The following TXNDC15 variants were observed in gnomAD, a reference collection of about 807,000 sequenced individuals.
TXNDC15 encodes the protein thioredoxin domain-containing protein 15.
In TXNDC15, 24 loss-of-function variants were observed where a neutral mutation model predicts 35.0. The observed-to-expected ratio is 0.68, with a 90% CI of 0.50 to 0.96. The LOEUF is 0.96. Among genes scored for constraint, TXNDC15 ranks in the 40% least tolerant of loss-of-function variants. TXNDC15 has a pLI of 0.00. For missense variants in TXNDC15, 385 were observed against 453.3 expected (o/e 0.85, Z 1.37); for synonymous variants, 169 against 174.0 (o/e 0.97, Z 0.23).
intron 1 of TXNDC15, among the ~76,000 whole-genome samples, chr5:134,878,734 C>T (rs1273024321): frequency 6.6e-6 from 1 of 152,240 alleles, no homozygotes; most frequent in Non-Finnish European, 1.5e-5. Flanking sequence ...TGCAGTGGCT[C>T]ACGCCTGTAA....
chr5:134,890,319 C>T (rs1750362816), intron 2 of TXNDC15, among the ~76,000 whole-genome samples: 1 of 152,030 alleles, frequency 6.6e-6, no homozygotes, highest in African/African-American at 2.4e-5. Context: ...CGTGAACCAC[C>T]ATGCCTGGCC....
In TXNDC15 at chr5:134,887,827, A is replaced by G. The variant is rs1169075079; in HGVS notation, c.236A>G (p.Asn79Ser). Residue 79 changes from asparagine to serine, a missense_variant, in exon 2 of 5, where the codon AAT becomes AGT. Coordinates refer to ENST00000358387, the MANE Select transcript of TXNDC15 (RefSeq NM_024715.4). The stretch of plus-strand genomic sequence containing the variant: ...CAGGACAGGGCAGCAGAAGAGGCCA[A>G]TGCGGTGCTGGGGCTGGACACCCAA... ...MGQDRAAEEA[N>S]AVLGLDTQGD... 5.6e-6 allele frequency: 9 copies of G among 1,614,094 alleles called. No individual in the cohort carries two copies. Among genetic ancestry groups the G allele is most frequent in the African/African-American group, 4.0e-5 (3 of 74,936 alleles).
At chr5:134,898,423 C>T (rs912841166) in intron 4 of TXNDC15, among the ~76,000 whole-genome samples, 1 of 152,170 alleles carries the variant, frequency 6.6e-6, no homozygotes, top group East Asian at 1.9e-4. Flanking sequence ...CCTCTAAAGC[C>T]TCACTGTCTC....
intron 1 of TXNDC15, among the ~76,000 whole-genome samples, chr5:134,884,923 CTTT>C (rs374868238): frequency 7.8e-6 from 1 of 128,984 alleles, no homozygotes; most frequent in Non-Finnish European, 1.7e-5. Context: ...TATACATATT[CTTT>C]TTTTTTTTTT....
chr5:134,882,210 A>C (rs1340009017), intron 1 of TXNDC15, among the ~76,000 whole-genome samples: 1 of 133,988 alleles, frequency 7.5e-6, no homozygotes, highest in African/African-American at 2.9e-5. Flanking sequence ...GGACGGGGCG[A>C]CAGGGCAGAG....
intron 2 of TXNDC15, chr5:134,892,731 A>G (rs781237067): frequency 1.3e-5 from 2 of 152,198 alleles, no homozygotes; most frequent in Non-Finnish European, 2.9e-5. Flanking sequence ...AGAGATGTAC[A>G]ACTCTTCCTT....
chr5:134,888,326 A>C, intron 2 of TXNDC15, 144 bp downstream of exon 2: 2 of 869,210 alleles, frequency 2.3e-6, no homozygotes, highest in Non-Finnish European at 3.5e-6. Context: ...GTGAAAATCA[A>C]CTTTGCCCTC....
rs1750599621 is a variant in TXNDC15, at chr5:134,901,478, A to ATGTG, written c.*1797_*1800dup. ...ATGAAGCTGGGATTTGAATCTTCAC[A>ATGTG]TGTGTGTACTTATAAATACAAATGT... On this transcript the variant is annotated 3_prime_UTR_variant, in exon 5 of 5. Transcript: ENST00000358387. 1 of 151,138 alleles carries ATGTG rather than the reference A, an allele frequency of 6.6e-6. No homozygotes were observed. The highest frequency in any genetic ancestry group is 6.6e-5 in the Admixed American group (1 of 15,254). 9.4% of individuals were successfully genotyped at this position (151,138 alleles called of 1,614,324 possible). A position where few individuals can be genotyped will look rare whatever the true frequency, so the allele number is the denominator to read the frequency against.
chr5:134,898,042 C>A (rs1025977107), intron 4 of TXNDC15, among the ~76,000 whole-genome samples: 1 of 151,644 alleles, frequency 6.6e-6, no homozygotes, highest in Non-Finnish European at 1.5e-5. Context: ...AGAAACAGAA[C>A]ATTACCAGCC....
At chr5:134,890,949 T>C (rs1750378500) in intron 2 of TXNDC15, among the ~76,000 whole-genome samples, 1 of 152,260 alleles carries the variant, frequency 6.6e-6, no homozygotes, top group Non-Finnish European at 1.5e-5. Context: ...CTTTCTTTGC[T>C]TATCCATAAA....
rs115400378 is a variant in TXNDC15, at chr5:134,896,462, A to G, written c.886+38A>G. 1.1e-3 allele frequency: 1,710 copies of G among 1,610,070 alleles called. 19 individuals carry two copies. In the African/African-American group the frequency reaches 0.02, roughly 19 times the overall value. On this transcript the variant is annotated intron_variant, in intron 4 of 4. Coordinates refer to ENST00000358387, the MANE Select transcript of TXNDC15 (RefSeq NM_024715.4). ...AATGTGCTGAGGAAGAAGATATTCTATTGCTGGGGGTCTGTGCCTTCTGTG... is the reference window on the plus strand; with the variant it reads ...AATGTGCTGAGGAAGAAGATATTCTGTTGCTGGGGGTCTGTGCCTTCTGTG...
At chr5:134,883,834 G>C (rs1750215559) in intron 1 of TXNDC15, among the ~76,000 whole-genome samples, 4 of 150,740 alleles carry the variant, frequency 2.7e-5, no homozygotes, top group Non-Finnish European at 5.9e-5. Flanking sequence ...AGAATTGCTT[G>C]AACCTGGGAG....
chr5:134,874,199 G>C (rs769721528), upstream of TXNDC15: 1 of 514,742 alleles, frequency 1.9e-6, no homozygotes, highest in Non-Finnish European at 3.4e-6. Flanking sequence ...AGTTCAAAAC[G>C]ACCTGCAACG....
intron 1 of TXNDC15, among the ~76,000 whole-genome samples, chr5:134,878,066 C>T (rs981124569): frequency 1.6e-4 from 25 of 152,186 alleles, no homozygotes; most frequent in African/African-American, 5.3e-4. Flanking sequence ...TGAGCCACTG[C>T]GCCTGGCCTA....
At chr5:134,898,188 G>A (rs1284307524) in intron 4 of TXNDC15, among the ~76,000 whole-genome samples, 1 of 152,020 alleles carries the variant, frequency 6.6e-6, no homozygotes, top group Admixed American at 6.6e-5. Flanking sequence ...TTTTGTGTCT[G>A]TTTTTTTCAT....
intron 1 of TXNDC15, among the ~76,000 whole-genome samples, chr5:134,887,382 A>G (rs943135375): frequency 2.0e-5 from 3 of 152,066 alleles, no homozygotes; most frequent in African/African-American, 7.2e-5. Context: ...ACAGGGTTTC[A>G]CCATGTTGGC....
At chr5:134,878,565 G>T (rs1750083862) in intron 1 of TXNDC15, among the ~76,000 whole-genome samples, 1 of 152,348 alleles carries the variant, frequency 6.6e-6, no homozygotes, top group South Asian at 2.1e-4. Flanking sequence ...AGCTGGAAGG[G>T]TGTGAAGGTG....
intron 1 of TXNDC15, 28 bp downstream of exon 1, chr5:134,874,558 A>T (rs771016646): frequency 6.4e-7 from 1 of 1,564,790 alleles, no homozygotes; most frequent in Admixed American, 1.7e-5. Flanking sequence ...GCGGTGCATG[A>T]GATGATGGGG....
intron 2 of TXNDC15, among the ~76,000 whole-genome samples, chr5:134,891,996 G>A (rs775975645): frequency 2.6e-5 from 4 of 152,078 alleles, no homozygotes; most frequent in South Asian, 2.1e-4. Flanking sequence ...AAAAGAGTCC[G>A]CCTGTCCTTT....
Sources: gnomAD v4.1 joint callset for allele counts (sites outside exome capture counted in the v4.1 genomes callset) on GRCh38, gnomAD v4.1.1 for gene constraint, MANE v1.5 for transcripts, NCBI Gene and HGNC (gene_info 2026-07-23, HGNC 2026-07-21) for gene names.